Variants in RAB27B observed in about 807,000 individuals in gnomAD.
RAB27B encodes RAB27B, member RAS oncogene family.
A neutral mutation model predicts 24.6 loss-of-function variants in RAB27B; 15 were observed. The observed-to-expected ratio is 0.61, with a 90% CI of 0.41 to 0.94. The LOEUF (loss-of-function observed/expected upper bound fraction) is 0.94. RAB27B is among the 40% of genes least tolerant of loss of function. The probability of loss-of-function intolerance (pLI) is 0.00; values close to 1 mark genes in which losing one functional copy is unlikely to be tolerated. For synonymous variants in RAB27B, 105 were observed against 92.5 expected, an observed-to-expected ratio of 1.14 and a Z score of -0.78; for missense variants, 261 against 266.8, an observed-to-expected ratio of 0.98 and a Z score of 0.15.
intron 2 of RAB27B, among the ~76,000 whole-genome samples, chr18:54,772,066 T>C (rs1908568756): frequency 6.6e-6 from 1 of 152,216 alleles, no homozygotes; most frequent in South Asian, 2.1e-4. Flanking sequence ...CATGTTGCTT[T>C]TGCTTTTTGG....
intron 2 of RAB27B, among the ~76,000 whole-genome samples, chr18:54,783,061 G>A (rs1468392999): frequency 1.3e-5 from 2 of 151,932 alleles, no homozygotes; most frequent in African/African-American, 2.4e-5. Flanking sequence ...GGGTTCAAAC[G>A]ATTCTTCCGC....
chr18:54,805,182 C>G (rs971597869), intron 2 of RAB27B, among the ~76,000 whole-genome samples: 1 of 151,966 alleles, frequency 6.6e-6, no homozygotes, highest in Admixed American at 6.6e-5. Flanking sequence ...TGCACACTTC[C>G]CTTACACTCA....
chr18:54,795,707 A>C (rs1351223141), intron 2 of RAB27B, among the ~76,000 whole-genome samples: 1 of 152,108 alleles, frequency 6.6e-6, no homozygotes, highest in Admixed American at 6.5e-5. Context: ...AAGCTTTAAA[A>C]CCAGAAGGGT....
chr18:54,887,883 T>C, intron 4 of RAB27B, 112 bp from the exon 5 acceptor site: 1 of 1,330,734 alleles, frequency 7.5e-7, no homozygotes, highest in East Asian at 2.4e-5. Context: ...ATATAACTAG[T>C]AAGCAACCAA....
chr18:54,810,428 AG>A (rs1179752718), intron 2 of RAB27B, among the ~76,000 whole-genome samples: 1 of 152,210 alleles, frequency 6.6e-6, no homozygotes, highest in Non-Finnish European at 1.5e-5. Context: ...AGTAAACAAA[AG>A]TTTAGAGAGA....
chr18:54,733,649 A>AGCC (rs1555651336), intron 2 of RAB27B, among the ~76,000 whole-genome samples: 1 of 71,272 alleles, frequency 1.4e-5, no homozygotes, highest in Non-Finnish European at 3.2e-5. Flanking sequence ...TCTGTTCTAG[A>AGCC]GCCCCCCCCC....
chr18:54,721,861 C>G (rs901316688), intron 2 of RAB27B, among the ~76,000 whole-genome samples: 1 of 152,146 alleles, frequency 6.6e-6, no homozygotes, highest in African/African-American at 2.4e-5. Context: ...GATGTATCAT[C>G]AGGGATCCAG....
At chr18:54,721,967 T>C (rs1294394791) in intron 2 of RAB27B, among the ~76,000 whole-genome samples, 7 of 152,202 alleles carry the variant, frequency 4.6e-5, no homozygotes, top group Non-Finnish European at 1.5e-5. Context: ...CCATTCTGTG[T>C]CATTCTGAAA....
intron 4 of RAB27B, among the ~76,000 whole-genome samples, chr18:54,884,739 A>T (rs1423252632): frequency 6.6e-6 from 1 of 152,180 alleles, no homozygotes; most frequent in Non-Finnish European, 1.5e-5. Context: ...CATTGATTCC[A>T]CTTTTCCAGT....
chr18:54,839,996 T>G (rs1418089065), intron 1 of RAB27B, among the ~76,000 whole-genome samples: 3 of 152,206 alleles, frequency 2.0e-5, no homozygotes. Flanking sequence ...TTGCAGACTT[T>G]GTGAAGAAAT....
rs746934226 is a variant in RAB27B, at chr18:54,879,423, C to T, written c.208C>T (p.Leu70Phe). ...GSSGKAFKVH[L>F]QLWDTAGQER... Reference sequence around the variant, plus strand: ...TTCAGGGAAAGCATTTAAAGTGCATCTTCAGCTTTGGGACACTGCGGGACA... The same window carrying T: ...TTCAGGGAAAGCATTTAAAGTGCATTTTCAGCTTTGGGACACTGCGGGACA... The change falls in exon 3 of 6, where the codon CTT (leucine) becomes TTT (phenylalanine). Residue 70 changes from leucine to phenylalanine, a missense_variant. Physicochemically the swap from Leu to Phe is conservative, Grantham distance 22. Coordinates refer to ENST00000262094, the MANE Select transcript of RAB27B (RefSeq NM_004163.4). The T allele has an allele frequency of 5.0e-6, 8 of 1,612,898 alleles. No individual in the cohort carries two copies. Among genetic ancestry groups the T allele is most frequent in the Non-Finnish European group, 6.8e-6 (8 of 1,179,084 alleles).
At chr18:54,792,564 A>T (rs925747060) in intron 2 of RAB27B, among the ~76,000 whole-genome samples, 1 of 152,230 alleles carries the variant, frequency 6.6e-6, no homozygotes, top group African/African-American at 2.4e-5. Flanking sequence ...ATATTTATGC[A>T]TGCAAGATAG....
intron 2 of RAB27B, among the ~76,000 whole-genome samples, chr18:54,813,597 T>C (rs559053128): frequency 1.3e-5 from 2 of 152,344 alleles, no homozygotes; most frequent in South Asian, 4.1e-4. Context: ...TCTGCCATGA[T>C]TGTAAGCTTC....
At chr18:54,763,814 G>A (rs530676737) in intron 2 of RAB27B, among the ~76,000 whole-genome samples, 1 of 152,268 alleles carries the variant, frequency 6.6e-6, no homozygotes, top group South Asian at 2.1e-4. Context: ...CAGGACTCCA[G>A]CAAGTGTCTG....
intron 1 of RAB27B, among the ~76,000 whole-genome samples, chr18:54,859,735 T>C (rs1911937465): frequency 6.6e-6 from 1 of 152,210 alleles, no homozygotes; most frequent in Non-Finnish European, 1.5e-5. Flanking sequence ...AAGACAAAAT[T>C]ATAAATGTTT....
chr18:54,727,944 T>C (rs1171769136), intron 2 of RAB27B, among the ~76,000 whole-genome samples: 20 of 152,178 alleles, frequency 1.3e-4, no homozygotes, highest in Admixed American at 7.9e-4. Flanking sequence ...CACTCCACGC[T>C]ACAGCTCCCT....
At chr18:54,769,455 TTG>T (rs562830209) in intron 2 of RAB27B, among the ~76,000 whole-genome samples, 22 of 38,198 alleles carry the variant, frequency 5.8e-4, no homozygotes, top group African/African-American at 8.7e-4. Context: ...TCTTGTTTTT[TTG>T]TTGTTGTTGT....
At chr18:54,737,846 A>G (rs1342577145) in intron 2 of RAB27B, among the ~76,000 whole-genome samples, 1 of 152,210 alleles carries the variant, frequency 6.6e-6, no homozygotes, top group East Asian at 1.9e-4. Context: ...TATCAATATA[A>G]TCATTTATAA....
chr18:54,793,973 A>C (rs956082090), intron 2 of RAB27B, among the ~76,000 whole-genome samples: 3 of 152,196 alleles, frequency 2.0e-5, no homozygotes, highest in Non-Finnish European at 4.4e-5. Context: ...TCCACATAAA[A>C]ATGCACAATC....
Sources: gnomAD v4.1 joint callset for allele counts (sites outside exome capture counted in the v4.1 genomes callset) on GRCh38, gnomAD v4.1.1 for gene constraint, MANE v1.5 for transcripts, NCBI Gene and HGNC (gene_info 2026-07-23, HGNC 2026-07-21) for gene names.